SLC7A14: variants seen among roughly 807,000 people sequenced by gnomAD.
SLC7A14 encodes the protein gamma-aminobutyric acid transporter SLC7A14.
Under a neutral mutation model 60.2 loss-of-function variants are expected in SLC7A14, and 37 were observed. The observed-to-expected ratio is 0.61, with a 90% CI of 0.47 to 0.81. The LOEUF is 0.81. SLC7A14 is among the 30% of genes least tolerant of loss of function. SLC7A14 has a pLI of 0.00. For synonymous variants in SLC7A14, 399 were observed against 395.8 expected (o/e 1.01, Z -0.10); for missense variants, 886 against 982.7 (o/e 0.90, Z 1.32).
intron 1 of SLC7A14, among the ~76,000 whole-genome samples, chr3:170,528,374 A>G (rs1195380928): frequency 1.3e-5 from 2 of 152,374 alleles, no homozygotes; most frequent in African/African-American, 4.8e-5. Flanking sequence ...TAAAAACTGT[A>G]TAAAATTTAT....
intron 4 of SLC7A14, among the ~76,000 whole-genome samples, chr3:170,488,394 G>C (rs1188529254): frequency 6.6e-6 from 1 of 151,508 alleles, no homozygotes; most frequent in Non-Finnish European, 1.5e-5. Flanking sequence ...GACAAGGAGG[G>C]AAAATAGATC....
chr3:170,520,012 T>A (rs893471223), intron 2 of SLC7A14, among the ~76,000 whole-genome samples: 3 of 152,198 alleles, frequency 2.0e-5, no homozygotes, highest in African/African-American at 7.2e-5. Flanking sequence ...CTCTCCAGGT[T>A]TCTTGTACAC....
intron 2 of SLC7A14, among the ~76,000 whole-genome samples, chr3:170,515,637 G>T (rs542104370): frequency 2.0e-5 from 3 of 151,812 alleles, no homozygotes; most frequent in Admixed American, 2.0e-4. Flanking sequence ...GGTGGGGGGG[G>T]AGTTGAGACA....
intron 2 of SLC7A14, among the ~76,000 whole-genome samples, chr3:170,523,222 C>T (rs1713389781): frequency 6.6e-6 from 1 of 152,186 alleles, no homozygotes. Flanking sequence ...ATGGAACTTA[C>T]TCAAGGTCTC....
intron 1 of SLC7A14, among the ~76,000 whole-genome samples, chr3:170,549,962 C>CT (rs1406628074): frequency 6.6e-6 from 1 of 152,154 alleles, no homozygotes; most frequent in Non-Finnish European, 1.5e-5. Context: ...GCTGTGGCTG[C>CT]TGTGGTTTTA....
At chr3:170,507,912 G>T (rs997926711) in intron 2 of SLC7A14, among the ~76,000 whole-genome samples, 1 of 152,154 alleles carries the variant, frequency 6.6e-6, no homozygotes, top group East Asian at 1.9e-4. Context: ...GGACCCCCAG[G>T]GCTGTACTGA....
chr3:170,470,412 A>G (rs13323022), intron 7 of SLC7A14, among the ~76,000 whole-genome samples: 21 of 151,792 alleles, frequency 1.4e-4, no homozygotes, highest in African/African-American at 5.1e-4. Context: ...AAGACAATCC[A>G]TGGAAACTTG....
intron 1 of SLC7A14, among the ~76,000 whole-genome samples, chr3:170,533,171 TCTA>T (rs1386363587): frequency 6.6e-6 from 1 of 152,184 alleles, no homozygotes; most frequent in African/African-American, 2.4e-5. Context: ...TCCTTGCTCT[TCTA>T]CTCCTTCCAA....
intron 1 of SLC7A14, among the ~76,000 whole-genome samples, chr3:170,584,726 C>A (rs1420746559): frequency 1.3e-5 from 2 of 152,202 alleles, no homozygotes; most frequent in Non-Finnish European, 2.9e-5. Flanking sequence ...CGGACAGCGC[C>A]ATTCCCTGCA....
chr3:170,543,352 T>C (rs1476780016), intron 1 of SLC7A14, among the ~76,000 whole-genome samples: 1 of 152,096 alleles, frequency 6.6e-6, no homozygotes, highest in African/African-American at 2.4e-5. Context: ...CCTCTGTCTT[T>C]AAGAAGCACA....
At position 170,483,404 on chromosome 3, in the gene SLC7A14, G is replaced by C. The variant is rs1474197298; in HGVS notation, c.1025C>G (p.Ser342Trp). 4 of 1,614,190 alleles carry C rather than the reference G, an allele frequency of 2.5e-6. No individual in the cohort carries two copies. Among genetic ancestry groups the C allele is most frequent in the Non-Finnish European group, 3.4e-6 (4 of 1,180,042 alleles). ...YAAKFVVAIG[S>W]VAGLTVSLLG... is the part of the protein sequence containing the mutation. The stretch of plus-strand genomic sequence containing the variant: ...CAAGCTGACTGTCAGTCCTGCAACC[G>C]ACCCAATGGCCACTACGAATTTGGC... Residue 342 changes from serine (S) to tryptophan (W), a missense_variant, in exon 6 of 8, where the codon TCG (serine) becomes TGG (tryptophan). Ser to Trp is a radical substitution (Grantham distance 177). Transcript: ENST00000231706.
At chr3:170,539,578 A>G (rs58264068) in intron 1 of SLC7A14, among the ~76,000 whole-genome samples, 2,875 of 152,230 alleles carry the variant, frequency 0.019, 88 homozygotes, top group African/African-American at 0.064. Flanking sequence ...TTAATTGTTT[A>G]TATTTTTATG....
intron 2 of SLC7A14, among the ~76,000 whole-genome samples, chr3:170,518,191 C>T (rs191557055): frequency 3.3e-5 from 5 of 152,250 alleles, no homozygotes; most frequent in Admixed American, 1.3e-4. Context: ...GGAGGTGCTA[C>T]ATGAAAGCGC....
intron 6 of SLC7A14, among the ~76,000 whole-genome samples, chr3:170,482,490 C>G (rs1030832759): frequency 6.6e-6 from 1 of 152,212 alleles, no homozygotes; most frequent in African/African-American, 2.4e-5. Context: ...TTGGCCTCCA[C>G]GGTTTACTCC....
rs2108261638 is a variant in SLC7A14 at position 170,467,104 on chromosome 3, T to C, written c.2267A>G (p.Asn756Ser). ...ATCATTTGCAATCAGGGCCTCTGAG[T>C]TCTGTTTGTGTTTGCTTTTGCTCTT... is the stretch of plus-strand genomic sequence containing the variant. ...KAKSKSKHKQNSEALIANDEL... is the reference protein window; with the variant it reads ...KAKSKSKHKQSSEALIANDEL... The change falls in exon 8 of 8, where the codon AAC becomes AGC. Residue 756 changes from asparagine (N) to serine (S), a missense_variant. Asn to Ser is a conservative substitution (Grantham distance 46). Coordinates refer to ENST00000231706, the MANE Select transcript of SLC7A14 (RefSeq NM_020949.3). The C allele has an allele frequency of 1.2e-6, 2 of 1,613,988 alleles. No individual in the cohort carries two copies. Among genetic ancestry groups the C allele is most frequent in the African/African-American group, 1.3e-5 (1 of 75,020 alleles).
chr3:170,533,722 G>A (rs985295029), intron 1 of SLC7A14, among the ~76,000 whole-genome samples: 5 of 152,114 alleles, frequency 3.3e-5, no homozygotes, highest in Non-Finnish European at 7.4e-5. Flanking sequence ...ACAAGCACGT[G>A]CCTCTTAAAT....
chr3:170,495,788 C>A (rs545821744), intron 4 of SLC7A14: 12 of 1,144,256 alleles, frequency 1.0e-5, no homozygotes, highest in Non-Finnish European at 1.6e-5. Flanking sequence ...AGCAGTAGAA[C>A]AAGATGCTGG....
At chr3:170,487,157 C>T (rs1263020795) in intron 4 of SLC7A14, among the ~76,000 whole-genome samples, 11 of 138,000 alleles carry the variant, frequency 8.0e-5, no homozygotes, top group Non-Finnish European at 1.5e-4. Flanking sequence ...GGATGGTATC[C>T]GCTCACATCT....
Position 170,481,080 on chromosome 3 carries a change from A to G in SLC7A14, c.1202T>C (p.Leu401Ser), listed in dbSNP as rs1169379328. 1 of 1,614,034 alleles carries G rather than the reference A, an allele frequency of 6.2e-7. No individual in the cohort carries two copies. The highest frequency in any genetic ancestry group is 1.7e-5 in the Admixed American group (1 of 60,006). ...SGFLAALLALLVSLRDLIEMM... is the reference protein window; with the variant it reads ...SGFLAALLALSVSLRDLIEMM... ...CTCTATCAGGTCTCTCAAGCTGACC[A>G]ACAGTGCGAGGAGCGCTGCCAGGAA... The change falls in exon 7 of 8, where the codon TTG (leucine) becomes TCG (serine). Residue 401 changes from leucine (L) to serine (S), a missense_variant. Physicochemically the swap from Leu to Ser is moderately radical, Grantham distance 145. Transcript: ENST00000231706.
Sources: gnomAD v4.1 joint callset for allele counts (sites outside exome capture counted in the v4.1 genomes callset) on GRCh38, gnomAD v4.1.1 for gene constraint, MANE v1.5 for transcripts, NCBI Gene and HGNC (gene_info 2026-07-23, HGNC 2026-07-21) for gene names.